Variants in ADAMTS12 observed in about 807,000 individuals in gnomAD.
ADAMTS12 encodes ADAM metallopeptidase with thrombospondin type 1 motif 12.
In ADAMTS12, 118 loss-of-function variants were observed where a neutral mutation model predicts 167.8. The observed-to-expected ratio is 0.70, with a 90% CI of 0.61 to 0.82. The LOEUF is 0.82. ADAMTS12 is among the 40% of genes least tolerant of loss of function. The pLI is 0.00. For missense variants in ADAMTS12, 1,916 were observed against 1,998.8 expected (o/e 0.96, Z 0.79); for synonymous variants, 704 against 716.9 (o/e 0.98, Z 0.29).
At chr5:33,589,811 C>T (rs924295212) in intron 17 of ADAMTS12, among the ~76,000 whole-genome samples, 2 of 152,134 alleles carry the variant, frequency 1.3e-5, no homozygotes, top group Admixed American at 1.3e-4. Flanking sequence ...CTTGAGACAG[C>T]ATTGAATTTT....
At chr5:33,566,591 A>C (rs776521499) in intron 19 of ADAMTS12, among the ~76,000 whole-genome samples, 43 of 152,090 alleles carry the variant, frequency 2.8e-4, no homozygotes, top group Non-Finnish European at 5.3e-4. Context: ...TTCCCTCTTC[A>C]TCCTGAATAT....
intron 22 of ADAMTS12, among the ~76,000 whole-genome samples, chr5:33,540,637 T>A (rs1744650170): frequency 6.6e-6 from 1 of 152,192 alleles, no homozygotes; most frequent in Non-Finnish European, 1.5e-5. Context: ...CAATATTTGC[T>A]CTTCTGCAAT....
At chr5:33,859,316 G>A (rs1402542981) in intron 2 of ADAMTS12, among the ~76,000 whole-genome samples, 5 of 152,210 alleles carry the variant, frequency 3.3e-5, no homozygotes, top group Admixed American at 2.6e-4. Context: ...GGACTAGCTT[G>A]GTGGGGGGAG....
chr5:33,887,365 C>G (rs550141732), intron 1 of ADAMTS12, among the ~76,000 whole-genome samples: 63 of 152,196 alleles, frequency 4.1e-4, no homozygotes, highest in African/African-American at 1.5e-3. Context: ...AATCGGATCC[C>G]AGAGCACACA....
At chr5:33,835,321 T>A (rs1001424773) in intron 2 of ADAMTS12, among the ~76,000 whole-genome samples, 1 of 152,224 alleles carries the variant, frequency 6.6e-6, no homozygotes, top group Non-Finnish European at 1.5e-5. Context: ...ATTAGCTTTT[T>A]ACTGAGAGTC....
intron 2 of ADAMTS12, among the ~76,000 whole-genome samples, chr5:33,798,071 G>A (rs1048454839): frequency 6.6e-5 from 10 of 152,052 alleles, no homozygotes; most frequent in African/African-American, 1.7e-4. Context: ...TATCCTTCTC[G>A]TTCCTAAATA....
At chr5:33,882,469 A>C (rs1750480471) in intron 1 of ADAMTS12, among the ~76,000 whole-genome samples, 1 of 152,168 alleles carries the variant, frequency 6.6e-6, no homozygotes, top group Non-Finnish European at 1.5e-5. Flanking sequence ...ACCTACTCAA[A>C]TTTGCCTCCC....
intron 12 of ADAMTS12, among the ~76,000 whole-genome samples, chr5:33,631,208 TG>T (rs1739911064): frequency 6.6e-6 from 1 of 152,166 alleles, no homozygotes; most frequent in African/African-American, 2.4e-5. Flanking sequence ...TATTCAACAT[TG>T]AATTGTGCTT....
chr5:33,561,419 C>G (rs1045004698), intron 19 of ADAMTS12, among the ~76,000 whole-genome samples: 1 of 152,198 alleles, frequency 6.6e-6, no homozygotes, highest in African/African-American at 2.4e-5. Context: ...AAAATAGTCA[C>G]GGTTGAGAAA....
In ADAMTS12 at chr5:33,855,272, C is replaced by T. The variant is rs141073570; in HGVS notation, c.489+25847G>A. On this transcript the variant is annotated intron_variant, in intron 2 of 23. Transcript: ENST00000504830. ...AATGGAGGCACCATCAGATGGCACA[C>T]ATTTTAAATGTCACTAATCCTCATT... Among the ~76,000 whole-genome samples the T allele has an allele frequency of 1.5e-3, 225 of 152,356 alleles. 2 individuals are homozygous for T. The highest frequency in any genetic ancestry group is 5.2e-3 in the African/African-American group (216 of 41,580).
intron 2 of ADAMTS12, among the ~76,000 whole-genome samples, chr5:33,797,010 T>C (rs1379727055): frequency 2.0e-5 from 3 of 152,156 alleles, no homozygotes; most frequent in African/African-American, 7.2e-5. Context: ...CATGTCCAAA[T>C]TGAAAGGCAA....
intron 5 of ADAMTS12, among the ~76,000 whole-genome samples, chr5:33,669,100 A>G (rs541368145): frequency 3.3e-5 from 5 of 152,288 alleles, no homozygotes; most frequent in African/African-American, 1.2e-4. Context: ...CAATGGTCTG[A>G]AAGTAATCAA....
chr5:33,528,100 GGAAT>G (rs1255564057), intron 23 of ADAMTS12, among the ~76,000 whole-genome samples: 1 of 148,706 alleles, frequency 6.7e-6, no homozygotes, highest in Admixed American at 6.7e-5. Context: ...AAAAAAAAAA[GGAAT>G]GAAATAATGT....
At position 33,728,959 on chromosome 5, in the gene ADAMTS12, T is replaced by G. The variant is rs573032237; in HGVS notation, c.634+22445A>C. Among the ~76,000 whole-genome samples, 125 of 152,382 alleles carry G rather than the reference T, an allele frequency of 8.2e-4. No homozygotes were observed. In the Middle Eastern group the frequency reaches 0.017, roughly 21 times the overall value. The stretch of plus-strand genomic sequence containing the variant: ...ACATGATATATCATATGCATATATG[T>G]GTATATAAATGCACATACATATATG... On this transcript the variant is annotated intron_variant, in intron 3 of 23. Transcript: ENST00000504830.
At chr5:33,821,142 A>G (rs979756216) in intron 2 of ADAMTS12, among the ~76,000 whole-genome samples, 3 of 152,046 alleles carry the variant, frequency 2.0e-5, no homozygotes, top group African/African-American at 7.2e-5. Flanking sequence ...AATAACAATC[A>G]TCATCATCAT....
chr5:33,575,029 T>A (rs1265051101), intron 19 of ADAMTS12, among the ~76,000 whole-genome samples: 1 of 152,218 alleles, frequency 6.6e-6, no homozygotes, highest in Non-Finnish European at 1.5e-5. Context: ...TCAAAGGATG[T>A]AATTGGTTCT....
Position 33,649,654 on chromosome 5 carries a change from C to G in ADAMTS12, c.1234G>C (p.Val412Leu), listed in dbSNP as rs1445048675. ...HDGKENDCEP[V>L]GRHPYIMSRQ... ...GACATGATGTACGGATGTCTGCCCACAGGCTCACAGTCATTTTCTTTCCCA... is the reference window on the plus strand; with the variant it reads ...GACATGATGTACGGATGTCTGCCCAGAGGCTCACAGTCATTTTCTTTCCCA... The change falls in exon 8 of 24, where the codon GTG becomes CTG. Residue 412 changes from valine (V) to leucine (L), a missense_variant. Physicochemically the swap from Val to Leu is conservative, Grantham distance 32. Transcript: ENST00000504830. The G allele has an allele frequency of 6.2e-7, 1 of 1,614,016 alleles. No individual in the cohort carries two copies. Among genetic ancestry groups the G allele is most frequent in the Admixed American group, 1.7e-5 (1 of 60,024 alleles).
chr5:33,702,288 A>G (rs1467845403), intron 3 of ADAMTS12, among the ~76,000 whole-genome samples: 2 of 152,238 alleles, frequency 1.3e-5, no homozygotes, highest in African/African-American at 2.4e-5. Flanking sequence ...TCAGCCTAGC[A>G]TCTCTACCAG....
intron 19 of ADAMTS12, among the ~76,000 whole-genome samples, chr5:33,573,567 C>T (rs1746505673): frequency 1.3e-5 from 2 of 152,156 alleles, no homozygotes; most frequent in Admixed American, 6.5e-5. Flanking sequence ...AACTCGATCC[C>T]TTCCTTACAC....
Sources: gnomAD v4.1 joint callset for allele counts (sites outside exome capture counted in the v4.1 genomes callset) on GRCh38, gnomAD v4.1.1 for gene constraint, MANE v1.5 for transcripts, NCBI Gene and HGNC (gene_info 2026-07-23, HGNC 2026-07-21) for gene names.